CSNK1D: variants seen among roughly 807,000 people sequenced by gnomAD.
CSNK1D encodes the protein casein kinase I isoform delta.
A neutral mutation model predicts 46.6 loss-of-function variants in CSNK1D; 16 were observed. The ratio of observed to expected loss-of-function variants is 0.34; its 90% CI spans 0.23 to 0.52. The LOEUF (loss-of-function observed/expected upper bound fraction) is 0.52, where lower values mean the gene tolerates loss of function less well. Ranked by LOEUF, CSNK1D falls within the 20% of genes least tolerant of loss-of-function variation. The pLI, the probability that CSNK1D is intolerant of heterozygous loss-of-function variation, is 0.95. For synonymous variants in CSNK1D, 276 were observed against 228.2 expected, an observed-to-expected ratio of 1.21 and a Z score of -1.89; for missense variants, 398 against 578.4, an observed-to-expected ratio of 0.69 and a Z score of 3.20.
At chr17:82,254,191 G>A (rs1179785046) in intron 3 of CSNK1D, 2 of 279,712 alleles carry the variant, frequency 7.2e-6, no homozygotes, top group Non-Finnish European at 1.3e-5. Flanking sequence ...CTGAGCCGCC[G>A]GAGCCTTGTG....
chr17:82,242,351 C>G (rs1361388083), downstream of CSNK1D, among the ~76,000 whole-genome samples: 1 of 152,206 alleles, frequency 6.6e-6, no homozygotes, highest in Admixed American at 6.5e-5. Context: ...CATGCGCTCA[C>G]CCCAGGCGGC....
At chr17:82,270,232 C>CAGGG (rs1216543575) in intron 1 of CSNK1D, among the ~76,000 whole-genome samples, 9 of 152,214 alleles carry the variant, frequency 5.9e-5, no homozygotes, top group African/African-American at 2.2e-4. Context: ...GACAACCTGG[C>CAGGG]AGGGCCCTGC....
In CSNK1D at chr17:82,255,535, T is replaced by A. The variant is rs1019570752; in HGVS notation, c.230A>T (p.Tyr77Phe). The change falls in exon 3 of 9, where the codon TAC becomes TTC. Residue 77 changes from tyrosine (Y) to phenylalanine (F), a missense_variant. By Grantham distance (22) the Tyr-to-Phe change is conservative. Coordinates refer to ENST00000314028, the MANE Select transcript of CSNK1D (RefSeq NM_001893.6). This position sits in a 1 kb window ranked among gnomAD's most constrained non-coding sequence, Gnocchi z 5.9. Reference protein sequence around the residue: ...TIRWCGAEGDYNVMVMELLGP... With the variant: ...TIRWCGAEGDFNVMVMELLGP... ...CAGCAGCTCCATCACCATGACGTTG[T>A]AGTCCCCCTCTGCCCCGCACCATCT... 1 of 1,613,984 alleles carries A rather than the reference T, an allele frequency of 6.2e-7. No individual in the cohort carries two copies. The highest frequency in any genetic ancestry group is 1.3e-5 in the African/African-American group (1 of 74,888).
At chr17:82,247,162 T>C (rs2050871630) in intron 8 of CSNK1D, 1 of 985,334 alleles carries the variant, frequency 1.0e-6, no homozygotes, top group African/African-American at 1.7e-5. Context: ...ACCAGCTCTC[T>C]CTGGAGACTC....
At chr17:82,260,920 T>A (rs1293191967) in intron 2 of CSNK1D, 1 of 155,238 alleles carries the variant, frequency 6.4e-6, no homozygotes, top group Non-Finnish European at 1.5e-5. Flanking sequence ...TCACCCAGGC[T>A]GGAGGGCAGT....
intron 1 of CSNK1D, among the ~76,000 whole-genome samples, chr17:82,271,039 G>T (rs546461374): frequency 6.6e-6 from 1 of 152,194 alleles, no homozygotes; most frequent in African/African-American, 2.4e-5. Context: ...TGTTTGACAA[G>T]GTCTCAGATC....
At chr17:82,259,252 T>C (rs2051263630) in intron 2 of CSNK1D, among the ~76,000 whole-genome samples, 1 of 152,270 alleles carries the variant, frequency 6.6e-6, no homozygotes, top group African/African-American at 2.4e-5. Context: ...TTGTAACCAA[T>C]TAAATTGTTG....
At chr17:82,244,854 GAA>G (rs2050809402) in intron 8 of CSNK1D, 23 bp from the exon 9 acceptor site, 1 of 1,613,390 alleles carries the variant, frequency 6.2e-7, no homozygotes, top group Admixed American at 1.7e-5. Context: ...AAGCACAGGA[GAA>G]GGTCAGCATG....
chr17:82,248,621 G>C lies in CSNK1D; in HGVS notation c.1197+254C>G, dbSNP rs887125000. 1 of 1,350,738 alleles carries C rather than the reference G, an allele frequency of 7.4e-7. No homozygotes were observed. 83.7% of individuals were successfully genotyped at this position (1,350,738 alleles called of 1,614,324 possible). A position where few individuals can be genotyped will look rare whatever the true frequency, so the allele number is the denominator to read the frequency against. On this transcript the variant is annotated intron_variant, in intron 8 of 8. Transcript: ENST00000314028. This position sits in a 1 kb window ranked among gnomAD's most constrained non-coding sequence, Gnocchi z 4.1. ...CAGCAGGAGAAAGCCCCCACGGTTT[G>C]CTGGCCTCAGGGACCTGAGACCTGA...
Position 82,248,741 on chromosome 17 carries a change from A to G in CSNK1D, c.1197+134T>C. On this transcript the variant is annotated intron_variant, in intron 8 of 8. Coordinates refer to ENST00000314028, the MANE Select transcript of CSNK1D (RefSeq NM_001893.6). The surrounding 1 kb of genome is among the most constrained non-coding windows in gnomAD (Gnocchi z 4.1). ...GCCTCATCTGCAACCAAGACGCCACACCCTGGCGAGATTAAAAACTCTCAA... is the reference window on the plus strand; with the variant it reads ...GCCTCATCTGCAACCAAGACGCCACGCCCTGGCGAGATTAAAAACTCTCAA... 6.7e-7 allele frequency: 1 copy of G among 1,503,354 alleles called. No individual in the cohort carries two copies. Among genetic ancestry groups the G allele is most frequent in the Non-Finnish European group, 8.9e-7 (1 of 1,128,464 alleles). 93.1% of individuals were successfully genotyped at this position (1,503,354 alleles called of 1,614,324 possible). A position where few individuals can be genotyped will look rare whatever the true frequency, so the allele number is the denominator to read the frequency against.
intron 2 of CSNK1D, among the ~76,000 whole-genome samples, chr17:82,260,130 G>C (rs1179173553): frequency 6.6e-6 from 1 of 150,826 alleles, no homozygotes; most frequent in Non-Finnish European, 1.5e-5. Context: ...TGTGACTGAT[G>C]GTGTACTGAG....
intron 2 of CSNK1D, among the ~76,000 whole-genome samples, chr17:82,257,854 G>A (rs2051215071): frequency 1.3e-5 from 2 of 152,200 alleles, no homozygotes. Flanking sequence ...AACAGACCCG[G>A]ATGTTCACAT....
At position 82,244,190 on chromosome 17, in the gene CSNK1D, C is replaced by T. The variant is rs2050793104; in HGVS notation, c.*591G>A. 2.0e-6 allele frequency: 2 copies of T among 1,016,972 alleles called. No homozygotes were observed. The highest frequency in any genetic ancestry group is 1.2e-6 in the Non-Finnish European group (1 of 847,206). 63.0% of individuals were successfully genotyped at this position (1,016,972 alleles called of 1,614,324 possible). ...TGAGAAATCTCCTCTCCAAAGCGGA[C>T]AATAAAACACTGCAAAACAAACACA... On this transcript the variant is annotated 3_prime_UTR_variant, in exon 9 of 9. Transcript: ENST00000314028.
intron 1 of CSNK1D, among the ~76,000 whole-genome samples, chr17:82,269,754 C>A (rs2051571285): frequency 6.6e-6 from 1 of 152,268 alleles, no homozygotes; most frequent in Non-Finnish European, 1.5e-5. Flanking sequence ...GCTCTCACTG[C>A]CTCTCTGCAT....
intron 2 of CSNK1D, among the ~76,000 whole-genome samples, chr17:82,259,046 T>C (rs565307296): frequency 2.1e-4 from 32 of 152,364 alleles, no homozygotes; most frequent in Non-Finnish European, 3.7e-4. Flanking sequence ...GGGAACGTCA[T>C]TGAATGTTAA....
chr17:82,271,034 G>C (rs2051608706), intron 1 of CSNK1D, among the ~76,000 whole-genome samples: 1 of 152,196 alleles, frequency 6.6e-6, no homozygotes, highest in Admixed American at 6.5e-5. Flanking sequence ...AAAGTTGTTT[G>C]ACAAGGTCTC....
At position 82,244,115 on chromosome 17, in the gene CSNK1D, T is replaced by C; in HGVS notation, c.*666A>G. 1.0e-6 allele frequency: 1 copy of C among 991,006 alleles called. No individual in the cohort carries two copies. The highest frequency in any genetic ancestry group is 4.5e-5 in the South Asian group (1 of 22,390). 61.4% of individuals were successfully genotyped at this position (991,006 alleles called of 1,614,324 possible). The stretch of plus-strand genomic sequence containing the variant: ...GGAGGGTGAGACGCCAAAATCAGGT[T>C]GAAGAGGTCCCACCACACACGGGCA... On this transcript the variant is annotated 3_prime_UTR_variant, in exon 9 of 9. Transcript: ENST00000314028.
rs200753422 is a variant in CSNK1D, at chr17:82,251,362, C to A, written c.885+17G>T. ...CCGCACACCACACTCAGCGAACGTG[C>A]TGGCAGTGCGACTTACAAATTTGAG... On this transcript the variant is annotated intron_variant, in intron 6 of 8. Transcript: ENST00000314028. This position sits in a 1 kb window ranked among gnomAD's most constrained non-coding sequence, Gnocchi z 4.5. 1.9e-6 allele frequency: 3 copies of A among 1,613,964 alleles called. No homozygotes were observed. Among genetic ancestry groups the A allele is most frequent in the Middle Eastern group, 3.3e-4 (2 of 6,060 alleles).
rs980560207 is a variant in CSNK1D at position 82,247,605 on chromosome 17, C to T, written c.1197+1270G>A. ...AGCCGCACATCAAGACACGAGGGCA[C>T]GGGCAGACCCTCCCGGGAACTGCTC... On this transcript the variant is annotated intron_variant, in intron 8 of 8. Coordinates refer to ENST00000314028, the MANE Select transcript of CSNK1D (RefSeq NM_001893.6). 23 of 985,324 alleles carry T rather than the reference C, an allele frequency of 2.3e-5. No individual in the cohort carries two copies. In the East Asian group the frequency reaches 3.4e-4, roughly 15 times the overall value. The allele number at this position is 985,324 out of a possible 1,614,324, so 61.0% of individuals were successfully genotyped here.
Sources: gnomAD v4.1 joint callset for allele counts (sites outside exome capture counted in the v4.1 genomes callset) on GRCh38, gnomAD v4.1.1 for gene constraint, Gnocchi (gnomAD v3.1) non-coding constraint, MANE v1.5 for transcripts, NCBI Gene and HGNC (gene_info 2026-07-23, HGNC 2026-07-21) for gene names.